The following SGCZ variants were observed in gnomAD, a reference collection of about 807,000 sequenced individuals.
The protein encoded by SGCZ is sarcoglycan zeta, also known as zeta-sarcoglycan.
Under a neutral mutation model 41.3 loss-of-function variants are expected in SGCZ, and 40 were observed. That is an observed-to-expected ratio of 0.97 (90% CI 0.75 to 1.26). SGCZ has a LOEUF of 1.26. Among genes scored for constraint, SGCZ ranks in the 50% most tolerant of loss-of-function variants. The pLI, the probability that SGCZ is intolerant of heterozygous loss-of-function variation, is 0.00. For missense variants in SGCZ, 552 were observed against 369.8 expected, an observed-to-expected ratio of 1.49 and a Z score of -4.04; for synonymous variants, 206 against 137.5, an observed-to-expected ratio of 1.50 and a Z score of -3.49.
At chr8:14,404,565 G>A (rs920488246) in intron 2 of SGCZ, among the ~76,000 whole-genome samples, 3 of 152,140 alleles carry the variant, frequency 2.0e-5, no homozygotes, top group Non-Finnish European at 4.4e-5. Context: ...TAGATGTTGC[G>A]TTATTTTTCT....
intron 1 of SGCZ, among the ~76,000 whole-genome samples, chr8:14,592,506 T>G (rs890935221): frequency 2.0e-5 from 3 of 152,158 alleles, no homozygotes; most frequent in Non-Finnish European, 4.4e-5. Flanking sequence ...CAAGTTTTTA[T>G]GCTCAATTTT....
chr8:14,171,803 A>T (rs1804391696), intron 4 of SGCZ, among the ~76,000 whole-genome samples: 1 of 152,120 alleles, frequency 6.6e-6, no homozygotes, highest in South Asian at 2.1e-4. Flanking sequence ...TATAAAAATT[A>T]TTCTATGTTT....
At chr8:14,524,360 G>GA (rs1329283401) in intron 2 of SGCZ, among the ~76,000 whole-genome samples, 1 of 151,928 alleles carries the variant, frequency 6.6e-6, no homozygotes, top group Non-Finnish European at 1.5e-5. Flanking sequence ...TCGGGTGGGG[G>GA]AATCTACGTC....
intron 2 of SGCZ, among the ~76,000 whole-genome samples, chr8:14,364,171 T>G (rs551173604): frequency 1.5e-4 from 23 of 152,148 alleles, no homozygotes; most frequent in African/African-American, 5.5e-4. Context: ...TTAACACTAG[T>G]TGTTGAGATC....
At chr8:14,431,347 G>A (rs1394245826) in intron 2 of SGCZ, among the ~76,000 whole-genome samples, 1 of 152,150 alleles carries the variant, frequency 6.6e-6, no homozygotes, top group African/African-American at 2.4e-5. Context: ...TATGCACATA[G>A]ACCAAAGGAA....
intron 3 of SGCZ, among the ~76,000 whole-genome samples, chr8:14,300,551 T>C (rs1378150256): frequency 6.6e-6 from 1 of 152,008 alleles, no homozygotes; most frequent in East Asian, 1.9e-4. Flanking sequence ...AATTTTTTAA[T>C]AGTATATGTA....
chr8:15,037,251 T>C (rs1307274089), intron 1 of SGCZ, among the ~76,000 whole-genome samples: 1 of 152,146 alleles, frequency 6.6e-6, no homozygotes, highest in African/African-American at 2.4e-5. Context: ...GCTAATCTCG[T>C]GATAGTGAGT....
In SGCZ at chr8:14,468,761, T is replaced by A. The variant is rs369602159; in HGVS notation, c.234+85971A>T. Among the ~76,000 whole-genome samples, 6 of 152,148 alleles carry A rather than the reference T, an allele frequency of 3.9e-5. No homozygotes were observed. The East Asian group carries it at 1.2e-3, about 29-fold the overall frequency. On this transcript the variant is annotated intron_variant, in intron 2 of 7. Coordinates refer to ENST00000382080, the MANE Select transcript of SGCZ (RefSeq NM_139167.4). ...TCTCCTAGACTTTCAATTCAGTAAC[T>A]CTCCATAAAATTAGCCTGATGATTT...
intron 5 of SGCZ, among the ~76,000 whole-genome samples, chr8:14,117,604 C>CT (rs1225822905): frequency 6.6e-6 from 1 of 151,738 alleles, no homozygotes; most frequent in Non-Finnish European, 1.5e-5. Context: ...TATTATCATA[C>CT]TTTAAGTTCT....
At chr8:14,305,738 C>G (rs913543699) in intron 3 of SGCZ, among the ~76,000 whole-genome samples, 10 of 152,150 alleles carry the variant, frequency 6.6e-5, no homozygotes, top group African/African-American at 2.2e-4. Flanking sequence ...CTTTACTATT[C>G]CTCCAGTCAG....
At chr8:14,773,774 T>C (rs889243517) in intron 1 of SGCZ, among the ~76,000 whole-genome samples, 7 of 152,176 alleles carry the variant, frequency 4.6e-5, no homozygotes, top group Non-Finnish European at 8.8e-5. Context: ...CAGCAGAGAC[T>C]CTTAACCAAG....
chr8:15,133,864 T>G (rs1019124455), intron 1 of SGCZ, among the ~76,000 whole-genome samples: 2 of 152,198 alleles, frequency 1.3e-5, no homozygotes, highest in Non-Finnish European at 2.9e-5. Context: ...TAAAACCACT[T>G]AACAATGATC....
intron 5 of SGCZ, among the ~76,000 whole-genome samples, chr8:14,112,284 G>A (rs757151749): frequency 1.4e-5 from 1 of 69,216 alleles, no homozygotes; most frequent in Non-Finnish European, 2.8e-5. Flanking sequence ...TTTTTTTTGT[G>A]GGGGGGGGGT....
intron 2 of SGCZ, among the ~76,000 whole-genome samples, chr8:14,381,105 C>T (rs982825197): frequency 6.6e-6 from 1 of 151,054 alleles, no homozygotes; most frequent in African/African-American, 2.5e-5. Flanking sequence ...AAAAAAAATA[C>T]CTTTGTAAAA....
At chr8:14,765,596 A>T (rs1158386013) in intron 1 of SGCZ, among the ~76,000 whole-genome samples, 2 of 152,224 alleles carry the variant, frequency 1.3e-5, no homozygotes, top group Non-Finnish European at 2.9e-5. Context: ...AGCCTTCCAT[A>T]TATCCTACAG....
intron 1 of SGCZ, among the ~76,000 whole-genome samples, chr8:15,030,806 G>C (rs1478924791): frequency 2.0e-5 from 3 of 152,106 alleles, no homozygotes; most frequent in Non-Finnish European, 2.9e-5. Flanking sequence ...ACAAAGAAAT[G>C]AAAAGTGAAG....
intron 5 of SGCZ, among the ~76,000 whole-genome samples, chr8:14,161,580 A>C (rs1390675744): frequency 1.3e-5 from 2 of 152,188 alleles, no homozygotes; most frequent in Non-Finnish European, 2.9e-5. Flanking sequence ...ATTGTTTGCT[A>C]TGGGCAATCT....
At chr8:14,892,461 G>A (rs1330389434) in intron 1 of SGCZ, among the ~76,000 whole-genome samples, 1 of 152,100 alleles carries the variant, frequency 6.6e-6, no homozygotes, top group Non-Finnish European at 1.5e-5. Flanking sequence ...AAAAGAAATA[G>A]TCTGGAAATT....
intron 1 of SGCZ, among the ~76,000 whole-genome samples, chr8:14,747,691 ATGTGTGTGTGTATTTG>A (rs1333653521): frequency 2.3e-5 from 3 of 131,722 alleles, no homozygotes; most frequent in Non-Finnish European, 3.3e-5. Flanking sequence ...TATTATTATT[ATGTGTGTGTGTATTTG>A]TGTGTGTGTG....
Sources: allele counts gnomAD v4.1 joint callset (sites outside exome capture counted in the v4.1 genomes callset), GRCh38; gene constraint gnomAD v4.1.1; transcripts MANE v1.5; gene names NCBI Gene and HGNC (gene_info 2026-07-23, HGNC 2026-07-21).